SORCS1: variants seen among roughly 807,000 people sequenced by gnomAD.
SORCS1 encodes the protein VPS10 domain-containing receptor SorCS1.
In SORCS1, 60 loss-of-function variants were observed where a neutral mutation model predicts 146.1. The observed-to-expected ratio is 0.41, with a 90% CI of 0.33 to 0.51. The LOEUF is 0.51. Ranked by LOEUF, SORCS1 falls within the 20% of genes least tolerant of loss-of-function variation. SORCS1 has a pLI of 0.21. For missense variants in SORCS1, 1,352 were observed against 1,487.6 expected, an observed-to-expected ratio of 0.91 and a Z score of 1.50; for synonymous variants, 637 against 584.0, an observed-to-expected ratio of 1.09 and a Z score of -1.31.
At chr10:106,623,571 C>T (rs371030699) in intron 19 of SORCS1, among the ~76,000 whole-genome samples, 3 of 152,020 alleles carry the variant, frequency 2.0e-5, no homozygotes, top group Admixed American at 6.6e-5. Context: ...CATAAACCAG[C>T]GTAAGAACAA....
intron 21 of SORCS1, among the ~76,000 whole-genome samples, chr10:106,615,337 C>T (rs184557350): frequency 3.3e-4 from 51 of 152,292 alleles, no homozygotes; most frequent in African/African-American, 1.2e-3. Context: ...GTGATTAACT[C>T]ACACAGATGG....
chr10:106,701,646 G>T (rs560353687), intron 8 of SORCS1, among the ~76,000 whole-genome samples: 1 of 152,144 alleles, frequency 6.6e-6, no homozygotes, highest in Admixed American at 6.5e-5. Context: ...CCTAAATGTG[G>T]ACATTTAAGA....
chr10:106,638,963 T>C (rs1345289121), intron 18 of SORCS1, among the ~76,000 whole-genome samples: 1 of 152,224 alleles, frequency 6.6e-6, no homozygotes, highest in African/African-American at 2.4e-5. Flanking sequence ...TTCTTGTTAT[T>C]GGCATTATTG....
intron 3 of SORCS1, among the ~76,000 whole-genome samples, chr10:106,794,071 T>C (rs1057323452): frequency 6.6e-6 from 1 of 152,140 alleles, no homozygotes; most frequent in African/African-American, 2.4e-5. Flanking sequence ...TAGAACCCCA[T>C]AGTCCACAGA....
At chr10:106,668,067 T>A (rs1294756891) in intron 16 of SORCS1, among the ~76,000 whole-genome samples, 2 of 151,970 alleles carry the variant, frequency 1.3e-5, no homozygotes, top group East Asian at 3.9e-4. Context: ...GCTGAGAGAG[T>A]AGATTGTGCT....
chr10:107,068,760 C>G (rs1227747507), intron 1 of SORCS1, among the ~76,000 whole-genome samples: 1 of 151,452 alleles, frequency 6.6e-6, no homozygotes, highest in Non-Finnish European at 1.5e-5. Context: ...GTCCCAGCTA[C>G]TTGGGAGGCT....
Position 106,728,314 on chromosome 10 carries a change from ATC to A in SORCS1, c.1024+1734_1024+1735del, listed in dbSNP as rs3982439. 2.6e-5 allele frequency among the ~76,000 whole-genome samples: 4 copies of A among 151,952 alleles called. No individual in the cohort carries two copies. The South Asian group carries it at 8.3e-4, about 31-fold the overall frequency. Reference sequence around the variant, plus strand: ...TTACTTTTGCATTAAGAAAATATTGATCTGTTATGTAGCAAGAACTGGACCTT... The same window carrying A: ...TTACTTTTGCATTAAGAAAATATTGATGTTATGTAGCAAGAACTGGACCTT... On this transcript the variant is annotated intron_variant, in intron 6 of 25. Coordinates refer to ENST00000263054, the MANE Select transcript of SORCS1 (RefSeq NM_052918.5).
intron 1 of SORCS1, among the ~76,000 whole-genome samples, chr10:107,081,734 T>C (rs1184083730): frequency 1.3e-5 from 2 of 152,148 alleles, no homozygotes; most frequent in Non-Finnish European, 2.9e-5. Flanking sequence ...AGGAAGTAAC[T>C]GCATGAATAG....
intron 1 of SORCS1, among the ~76,000 whole-genome samples, chr10:107,135,376 T>G (rs963230312): frequency 6.6e-5 from 10 of 152,204 alleles, no homozygotes; most frequent in African/African-American, 2.2e-4. Flanking sequence ...ATGGCTGATA[T>G]CCTCTTCTCA....
intron 3 of SORCS1, among the ~76,000 whole-genome samples, chr10:106,814,757 A>G (rs1181600359): frequency 6.6e-6 from 1 of 151,802 alleles, no homozygotes; most frequent in Non-Finnish European, 1.5e-5. Context: ...TACTAAAAAT[A>G]CAAAAAAATT....
intron 2 of SORCS1, among the ~76,000 whole-genome samples, chr10:106,860,479 C>A (rs1418973382): frequency 6.6e-6 from 1 of 152,176 alleles, no homozygotes; most frequent in East Asian, 1.9e-4. Context: ...GGGCTAAGCA[C>A]TTCATAAGGA....
the SORCS1 span, among the ~76,000 whole-genome samples, chr10:107,174,863 G>A: frequency 1.4e-4 from 22 of 152,212 alleles, no homozygotes; most frequent in African/African-American, 5.3e-4. Flanking sequence ...CTCAAGAGCA[G>A]GGGGAAAGGT....
At chr10:106,813,537 A>T (rs949830289) in intron 3 of SORCS1, among the ~76,000 whole-genome samples, 39 of 152,162 alleles carry the variant, frequency 2.6e-4, no homozygotes, top group African/African-American at 9.4e-4. Context: ...GCCACCAGGA[A>T]ATCTTAAAGT....
chr10:106,964,525 C>G (rs2139106969), intron 1 of SORCS1, among the ~76,000 whole-genome samples: 1 of 152,038 alleles, frequency 6.6e-6, no homozygotes, highest in Admixed American at 6.6e-5. Context: ...CTCACCTTGT[C>G]ACCCAGGCTG....
intron 1 of SORCS1, among the ~76,000 whole-genome samples, chr10:107,035,700 T>G (rs919723930): frequency 1.3e-5 from 2 of 152,144 alleles, no homozygotes; most frequent in African/African-American, 4.8e-5. Flanking sequence ...CGTATCTCAC[T>G]TAAAAGCTAT....
chr10:106,977,932 A>G (rs908714840), intron 1 of SORCS1, among the ~76,000 whole-genome samples: 4 of 152,206 alleles, frequency 2.6e-5, no homozygotes, highest in African/African-American at 4.8e-5. Context: ...TCGAGTGCGC[A>G]TGATATGTTT....
intron 2 of SORCS1, among the ~76,000 whole-genome samples, chr10:106,867,708 A>T (rs1417420220): frequency 6.6e-6 from 1 of 152,022 alleles, no homozygotes; most frequent in African/African-American, 2.4e-5. Context: ...GAGCAATGGA[A>T]CACTAAGTAT....
chr10:106,580,517 A>C (rs1278343973), intron 24 of SORCS1, among the ~76,000 whole-genome samples: 1 of 152,214 alleles, frequency 6.6e-6, no homozygotes, highest in Non-Finnish European at 1.5e-5. Flanking sequence ...CAGCTCGTGC[A>C]TAAAAGACAA....
At chr10:106,769,845 A>G (rs1013074605) in intron 4 of SORCS1, among the ~76,000 whole-genome samples, 3 of 152,324 alleles carry the variant, frequency 2.0e-5, no homozygotes, top group Admixed American at 2.0e-4. Flanking sequence ...CTGTAATCCC[A>G]GCACTTTCAG....
Sources: allele counts gnomAD v4.1 joint callset (sites outside exome capture counted in the v4.1 genomes callset), GRCh38; gene constraint gnomAD v4.1.1; transcripts MANE v1.5; gene names NCBI Gene and HGNC (gene_info 2026-07-23, HGNC 2026-07-21).